Variants in MTMR9 observed in about 807,000 individuals in gnomAD.
The protein encoded by MTMR9 is myotubularin related protein 9, also known as myotubularin-related protein 9.
In MTMR9, 39 loss-of-function variants were observed where a neutral mutation model predicts 69.5. That is an observed-to-expected ratio of 0.56 (90% CI 0.43 to 0.73). MTMR9 has a LOEUF of 0.73. MTMR9 is among the 30% of genes least tolerant of loss of function. The pLI is 0.00. For synonymous variants in MTMR9, 354 were observed against 240.8 expected, an observed-to-expected ratio of 1.47 and a Z score of -4.35; for missense variants, 900 against 671.2, an observed-to-expected ratio of 1.34 and a Z score of -3.77.
chr8:11,307,368 G>T (rs964418916), intron 5 of MTMR9, among the ~76,000 whole-genome samples: 5 of 152,158 alleles, frequency 3.3e-5, no homozygotes, highest in African/African-American at 7.2e-5. Context: ...CACTGTGCCT[G>T]GCCTACCCTC....
intron 1 of MTMR9, 163 bp downstream of exon 1, chr8:11,285,233 A>G: frequency 1.6e-6 from 1 of 640,474 alleles, no homozygotes; most frequent in South Asian, 2.2e-5. Flanking sequence ...AAACCCGTCC[A>G]GATGGAGGAC....
chr8:11,316,584 C>T (rs1305061353), intron 7 of MTMR9, 89 bp from the exon 8 acceptor site: 4 of 715,064 alleles, frequency 5.6e-6, no homozygotes, highest in Non-Finnish European at 8.9e-6. Flanking sequence ...CTAGGAGTGT[C>T]ACTGTAATTG....
At chr8:11,328,255 C>CA (rs1801037309), downstream of MTMR9, 1 of 151,634 alleles carries the variant, frequency 6.6e-6, no homozygotes, top group African/African-American at 2.4e-5. Context: ...TTGAGATCTG[C>CA]AAAAAGGCTG....
downstream of MTMR9, among the ~76,000 whole-genome samples, chr8:11,329,460 C>A (rs952901244): frequency 1.3e-5 from 2 of 152,238 alleles, no homozygotes; most frequent in Admixed American, 6.5e-5. Flanking sequence ...ATTGCAGGCT[C>A]GCGCCGCCAC....
At chr8:11,321,062 T>C (rs1800662812) in intron 9 of MTMR9, 1 of 163,446 alleles carries the variant, frequency 6.1e-6, no homozygotes, top group African/African-American at 2.4e-5. Context: ...ACCAAATCAG[T>C]TTCTGTCTCT....
In MTMR9 at chr8:11,323,606, A is replaced by G. The variant is rs1211647087; in HGVS notation, c.*818A>G. The G allele has an allele frequency of 6.6e-6, 1 of 152,244 alleles. No homozygotes were observed. Among genetic ancestry groups the G allele is most frequent in the Non-Finnish European group, 1.5e-5 (1 of 68,040 alleles). The allele number at this position is 152,244 out of a possible 1,614,324, so 9.4% of individuals were successfully genotyped here. Reference sequence around the variant, plus strand: ...TGCTTGTAAAATTAAACCATCATCTAGAATAGAGTTAATTTATTATAATCA... The same window carrying G: ...TGCTTGTAAAATTAAACCATCATCTGGAATAGAGTTAATTTATTATAATCA... On this transcript the variant is annotated 3_prime_UTR_variant, in exon 10 of 10. Transcript: ENST00000221086.
chr8:11,322,975 T>C lies in MTMR9; in HGVS notation c.*187T>C, dbSNP rs1431307058. The C allele has an allele frequency of 2.1e-5, 9 of 435,934 alleles. No homozygotes were observed. In the East Asian group the frequency reaches 3.5e-4, roughly 17 times the overall value. 27.0% of individuals were successfully genotyped at this position (435,934 alleles called of 1,614,324 possible). A position where few individuals can be genotyped will look rare whatever the true frequency, so the allele number is the denominator to read the frequency against. ...ACTTACTATCATAAACCATGTTTCA[T>C]GTGGCCTGTTAGGGCCTGTCACTTT... On this transcript the variant is annotated 3_prime_UTR_variant, in exon 10 of 10. Transcript: ENST00000221086.
intron 3 of MTMR9, 133 bp downstream of exon 3, chr8:11,300,281 A>G: frequency 1.0e-6 from 1 of 974,298 alleles, no homozygotes; most frequent in Non-Finnish European, 1.5e-6. Context: ...AATATATTTA[A>G]AAGGATTGAA....
intron 1 of MTMR9, among the ~76,000 whole-genome samples, chr8:11,290,867 T>TG (rs1299420335): frequency 6.6e-6 from 1 of 151,758 alleles, no homozygotes; most frequent in Non-Finnish European, 1.5e-5. Flanking sequence ...GCTTTCGTTT[T>TG]TTTTTTTTTT....
chr8:11,333,891 G>C, the MTMR9 span, among the ~76,000 whole-genome samples: 1 of 152,222 alleles, frequency 6.6e-6, no homozygotes, highest in Non-Finnish European at 1.5e-5. Context: ...GTATTAAGAG[G>C]TGGAACCTTT....
chr8:11,330,791 G>C, downstream of MTMR9: 1 of 453,032 alleles, frequency 2.2e-6, no homozygotes, highest in Non-Finnish European at 3.9e-6. Context: ...GAAGGCCGCA[G>C]GGTCCTCTGC....
downstream of MTMR9, among the ~76,000 whole-genome samples, chr8:11,330,153 G>A (rs567743924): frequency 1.3e-3 from 204 of 151,834 alleles, no homozygotes; most frequent in African/African-American, 4.7e-3. Context: ...GAGGGAGGTC[G>A]GGGATCAGCC....
At chr8:11,303,576 C>T (rs1048265044) in intron 3 of MTMR9, among the ~76,000 whole-genome samples, 6 of 152,008 alleles carry the variant, frequency 3.9e-5, no homozygotes, top group African/African-American at 1.4e-4. Flanking sequence ...TCCAGTTGCC[C>T]AGGCTGGAGT....
At chr8:11,329,213 A>T (rs1032215894), downstream of MTMR9, among the ~76,000 whole-genome samples, 9 of 152,250 alleles carry the variant, frequency 5.9e-5, no homozygotes, top group Admixed American at 3.3e-4. Flanking sequence ...GGGAAACATA[A>T]CAAGATCCTG....
intron 3 of MTMR9, among the ~76,000 whole-genome samples, chr8:11,303,175 G>A (rs769545639): frequency 1.8e-4 from 27 of 146,942 alleles, no homozygotes; most frequent in Non-Finnish European, 3.1e-4. Context: ...GGTGAGAGGA[G>A]GACACTTGGC....
At chr8:11,303,934 GTAA>G (rs1799841181) in intron 3 of MTMR9, among the ~76,000 whole-genome samples, 1 of 152,146 alleles carries the variant, frequency 6.6e-6, no homozygotes, top group Admixed American at 6.5e-5. Context: ...TTTTTTAAAA[GTAA>G]TAATCTTGTC....
chr8:11,303,173 G>A (rs977382107), intron 3 of MTMR9, among the ~76,000 whole-genome samples: 1 of 146,900 alleles, frequency 6.8e-6, no homozygotes, highest in Non-Finnish European at 1.5e-5. Flanking sequence ...AAGGTGAGAG[G>A]AGGACACTTG....
chr8:11,310,775 T>TA (rs1800165777), intron 6 of MTMR9, among the ~76,000 whole-genome samples: 2 of 151,964 alleles, frequency 1.3e-5, no homozygotes, highest in Admixed American at 1.3e-4. Context: ...CTGTTTTTTT[T>TA]ATGAAACAGG....
chr8:11,309,962 C>T (rs546930652), intron 6 of MTMR9, among the ~76,000 whole-genome samples: 1 of 151,974 alleles, frequency 6.6e-6, no homozygotes, highest in African/African-American at 2.4e-5. Context: ...CTAGTACACC[C>T]TTAAATCATG....
Sources: gnomAD v4.1 joint callset for allele counts (sites outside exome capture counted in the v4.1 genomes callset) on GRCh38, gnomAD v4.1.1 for gene constraint, MANE v1.5 for transcripts, NCBI Gene and HGNC (gene_info 2026-07-23, HGNC 2026-07-21) for gene names.